Variants in NHSL1 observed in about 807,000 individuals in gnomAD.
The protein encoded by NHSL1 is NHS like 1, also known as NHS-like protein 1.
A neutral mutation model predicts 95.0 loss-of-function variants in NHSL1; 48 were observed. The observed-to-expected ratio is 0.51, with a 90% CI of 0.40 to 0.64. NHSL1 has a LOEUF of 0.64. Ranked by LOEUF, NHSL1 falls within the 30% of genes least tolerant of loss-of-function variation. The probability of loss-of-function intolerance (pLI) is 0.00; values close to 1 mark genes in which losing one functional copy is unlikely to be tolerated. For synonymous variants in NHSL1, 783 were observed against 833.9 expected, an observed-to-expected ratio of 0.94 and a Z score of 1.05; for missense variants, 1,971 against 2,077.7, an observed-to-expected ratio of 0.95 and a Z score of 1.00.
At chr6:138,590,139 A>C (rs1399158472) in intron 1 of NHSL1, among the ~76,000 whole-genome samples, 2 of 152,196 alleles carry the variant, frequency 1.3e-5, no homozygotes, top group East Asian at 3.9e-4. Flanking sequence ...CTGTGACTAC[A>C]GGTGCCCATC....
At chr6:138,567,349 G>T (rs1783659003) in intron 1 of NHSL1, among the ~76,000 whole-genome samples, 1 of 152,084 alleles carries the variant, frequency 6.6e-6, no homozygotes, top group Non-Finnish European at 1.5e-5. Flanking sequence ...GGCTGGTCTT[G>T]AACTCCTGGG....
rs141774462 is a variant in NHSL1, at chr6:138,515,774, C to T, written c.17-19403G>A. On this transcript the variant is annotated intron_variant, in intron 1 of 4. Coordinates refer to the NHSL1 transcript ENST00000342260. ...GTTAATAGTATCGGGGAAAACTTGA[C>T]GTAGCAGGTGACATGTGAGCTAGGC... Among the ~76,000 whole-genome samples the T allele has an allele frequency of 2.1e-4, 32 of 152,292 alleles. No individual in the cohort carries two copies. In the East Asian group the frequency reaches 3.3e-3, roughly 16 times the overall value.
At chr6:138,585,799 C>A (rs188454568) in intron 1 of NHSL1, among the ~76,000 whole-genome samples, 30 of 151,714 alleles carry the variant, frequency 2.0e-4, no homozygotes, top group Non-Finnish European at 2.9e-5. Context: ...ATAATCCCAG[C>A]GCTTTGGGAG....
intron 1 of NHSL1, among the ~76,000 whole-genome samples, chr6:138,535,519 G>C (rs1400142615): frequency 6.6e-6 from 1 of 152,120 alleles, no homozygotes; most frequent in African/African-American, 2.4e-5. Flanking sequence ...AGCCATAATT[G>C]CACCACTGCA....
chr6:138,643,436 G>C (rs1347636947), intron 1 of NHSL1, among the ~76,000 whole-genome samples: 2 of 152,082 alleles, frequency 1.3e-5, no homozygotes, highest in Non-Finnish European at 2.9e-5. Context: ...TCTTGGTGTT[G>C]ACATTTTATG....
At chr6:138,574,686 AAG>A (rs765715851), upstream of NHSL1, among the ~76,000 whole-genome samples, 15,086 of 146,172 alleles carry the variant, frequency 0.1, 911 homozygotes, top group African/African-American at 0.16. Context: ...AAAAAAAAAA[AAG>A]AAAAGAAAAA....
At chr6:138,614,781 C>T (rs1000427550) in intron 1 of NHSL1, among the ~76,000 whole-genome samples, 7 of 152,136 alleles carry the variant, frequency 4.6e-5, no homozygotes, top group African/African-American at 1.4e-4. Context: ...GTCGGATCAG[C>T]GGCGGCATCA....
chr6:138,490,783 G>T (rs918985319), intron 2 of NHSL1, among the ~76,000 whole-genome samples: 2 of 152,182 alleles, frequency 1.3e-5, no homozygotes, highest in Admixed American at 6.5e-5. Context: ...ACAGGCATGC[G>T]CCACCACACC....
intron 1 of NHSL1, among the ~76,000 whole-genome samples, chr6:138,507,455 C>T (rs577691493): frequency 6.6e-6 from 1 of 152,300 alleles, no homozygotes; most frequent in South Asian, 2.1e-4. Flanking sequence ...AACATCACAA[C>T]ATGATTCTGG....
chr6:138,663,445 G>C (rs917418166), intron 1 of NHSL1, among the ~76,000 whole-genome samples: 2 of 151,018 alleles, frequency 1.3e-5, no homozygotes, highest in Admixed American at 1.3e-4. Context: ...TGTAATCTCA[G>C]CTACGCGGGA....
At chr6:138,551,404 C>A (rs1782995900) in intron 1 of NHSL1, among the ~76,000 whole-genome samples, 1 of 152,138 alleles carries the variant, frequency 6.6e-6, no homozygotes, top group Admixed American at 6.5e-5. Context: ...TTCCATTTCC[C>A]CCTGGATGCA....
chr6:138,480,668 T>C (rs1038628831), intron 2 of NHSL1, among the ~76,000 whole-genome samples: 5 of 152,242 alleles, frequency 3.3e-5, no homozygotes, highest in African/African-American at 1.2e-4. Context: ...ATTGAATCTT[T>C]TGCAACCTTC....
chr6:138,586,268 T>C (rs1784134478), intron 1 of NHSL1, among the ~76,000 whole-genome samples: 1 of 152,082 alleles, frequency 6.6e-6, no homozygotes, highest in South Asian at 2.1e-4. Flanking sequence ...CTAATTTTTG[T>C]ATTTTTAGTA....
In NHSL1 at chr6:138,487,100, T is replaced by C. The variant is rs1047195300; in HGVS notation, c.211+9119A>G. Among the ~76,000 whole-genome samples the C allele has an allele frequency of 2.0e-5, 3 of 151,974 alleles. No homozygotes were observed. In the South Asian group the frequency reaches 6.2e-4, roughly 31 times the overall value. On this transcript the variant is annotated intron_variant, in intron 2 of 7. Transcript: ENST00000343505. ...AGCTAGCATTCCAACTGAAGGACTT[T>C]ATCATTACACGTGAAGGCACAAAGT... is the stretch of plus-strand genomic sequence containing the variant.
intron 1 of NHSL1, among the ~76,000 whole-genome samples, chr6:138,613,017 T>C (rs997967855): frequency 5.9e-5 from 9 of 152,116 alleles, no homozygotes; most frequent in Admixed American, 4.6e-4. Context: ...CTAATGGAAG[T>C]AGAAAAAGAT....
intron 3 of NHSL1, among the ~76,000 whole-genome samples, chr6:138,467,310 G>T (rs1197970199): frequency 6.6e-6 from 1 of 151,840 alleles, no homozygotes; most frequent in Non-Finnish European, 1.5e-5. Flanking sequence ...CCGCCACCTC[G>T]CCTGGCTAAT....
intron 1 of NHSL1, among the ~76,000 whole-genome samples, chr6:138,622,479 C>T (rs1404811030): frequency 6.6e-6 from 1 of 152,062 alleles, no homozygotes; most frequent in African/African-American, 2.4e-5. Context: ...GAGCAAGACT[C>T]TGTCTCAAAA....
chr6:138,468,694 AG>A (rs1361362051), intron 3 of NHSL1, among the ~76,000 whole-genome samples: 2 of 152,212 alleles, frequency 1.3e-5, no homozygotes, highest in Non-Finnish European at 2.9e-5. Context: ...GTGACAAAAA[AG>A]CTGGGGGCCA....
chr6:138,535,125 T>C (rs1018191628), intron 1 of NHSL1, among the ~76,000 whole-genome samples: 2 of 152,106 alleles, frequency 1.3e-5, no homozygotes, highest in African/African-American at 2.4e-5. Context: ...AAGTAGGCTA[T>C]AAAGGGAAGC....
Sources: allele counts gnomAD v4.1 joint callset (sites outside exome capture counted in the v4.1 genomes callset), GRCh38; gene constraint gnomAD v4.1.1; transcripts MANE v1.5; gene names NCBI Gene and HGNC (gene_info 2026-07-23, HGNC 2026-07-21).